SNX29: variants seen among roughly 807,000 people sequenced by gnomAD.
The protein encoded by SNX29 is sorting nexin-29.
SNX29 carries 78 observed loss-of-function variants against 102.1 expected under a neutral mutation model. The observed-to-expected ratio is 0.76, with a 90% confidence interval of 0.64 to 0.92. The LOEUF is 0.92. Among genes scored for constraint, SNX29 ranks in the 40% least tolerant of loss-of-function variants. SNX29 has a pLI of 0.00. For synonymous variants in SNX29, 580 were observed against 414.5 expected (o/e 1.40, Z -4.85); for missense variants, 1,280 against 1,061.7 (o/e 1.21, Z -2.86).
At chr16:12,567,453 A>T (rs780821813) in intron 20 of SNX29, among the ~76,000 whole-genome samples, 10 of 152,178 alleles carry the variant, frequency 6.6e-5, no homozygotes, top group Non-Finnish European at 1.2e-4. Flanking sequence ...CCCAGAATTT[A>T]TGTGTCCCCT....
chr16:12,359,733 A>G (rs2082247883), intron 16 of SNX29, among the ~76,000 whole-genome samples: 1 of 152,258 alleles, frequency 6.6e-6, no homozygotes, highest in Admixed American at 6.5e-5. Flanking sequence ...ATTTGGATGT[A>G]TATCCAATCC....
intron 20 of SNX29, among the ~76,000 whole-genome samples, chr16:12,543,858 A>T (rs1452482820): frequency 6.6e-6 from 1 of 152,344 alleles, no homozygotes; most frequent in East Asian, 1.9e-4. Flanking sequence ...CCAGTGGTGG[A>T]ACATCCTCTT....
At chr16:12,204,177 T>G (rs1369018304) in intron 14 of SNX29, among the ~76,000 whole-genome samples, 1 of 152,192 alleles carries the variant, frequency 6.6e-6, no homozygotes, top group African/African-American at 2.4e-5. Context: ...CGAACTCTGA[T>G]CCTGTCTTTA....
At chr16:12,337,831 A>C (rs1368703145) in intron 15 of SNX29, among the ~76,000 whole-genome samples, 2 of 152,158 alleles carry the variant, frequency 1.3e-5, no homozygotes, top group African/African-American at 4.8e-5. Flanking sequence ...CATCATCTCA[A>C]GTCTGGGACA....
chr16:12,544,388 G>A (rs1356323295), intron 20 of SNX29, among the ~76,000 whole-genome samples: 1 of 152,204 alleles, frequency 6.6e-6, no homozygotes, highest in East Asian at 1.9e-4. Context: ...AAGGCGTTGT[G>A]AGGTGGTTCT....
Position 12,572,383 on chromosome 16 carries a change from T to C in SNX29, c.*3754T>C. 1 of 1,062,968 alleles carries C rather than the reference T, an allele frequency of 9.4e-7. No individual in the cohort carries two copies. Among genetic ancestry groups the C allele is most frequent in the Non-Finnish European group, 1.1e-6 (1 of 877,778 alleles). 65.8% of individuals were successfully genotyped at this position (1,062,968 alleles called of 1,614,324 possible). A position where few individuals can be genotyped will look rare whatever the true frequency, so the allele number is the denominator to read the frequency against. The stretch of plus-strand genomic sequence containing the variant: ...GGCTCTGCCTTCTGGAGGCGGCTTA[T>C]ATCCCAACAGCCTGAGGCAGGGCTC... On this transcript the variant is annotated 3_prime_UTR_variant, in exon 21 of 21. Transcript: ENST00000566228.
At chr16:12,527,849 A>T in intron 20 of SNX29, among the ~76,000 whole-genome samples, 3 of 142,190 alleles carry the variant, frequency 2.1e-5, no homozygotes, top group African/African-American at 5.3e-5. Flanking sequence ...TTTTGAGATG[A>T]AGTCTCGCTC....
intron 14 of SNX29, among the ~76,000 whole-genome samples, chr16:12,251,412 G>T (rs2078418321): frequency 6.6e-6 from 1 of 152,188 alleles, no homozygotes; most frequent in South Asian, 2.1e-4. Context: ...AGCAATATAA[G>T]AATTCATAGG....
chr16:12,350,189 C>T (rs1950956433), intron 15 of SNX29, among the ~76,000 whole-genome samples: 1 of 152,110 alleles, frequency 6.6e-6, no homozygotes, highest in Non-Finnish European at 1.5e-5. Flanking sequence ...TACAGTTGGC[C>T]CTCTGTATCT....
chr16:12,428,925 T>TA (rs1186580847), intron 18 of SNX29, among the ~76,000 whole-genome samples: 1 of 152,160 alleles, frequency 6.6e-6, no homozygotes, highest in Non-Finnish European at 1.5e-5. Flanking sequence ...AACACACAGA[T>TA]ACGATTGCAA....
intron 20 of SNX29, among the ~76,000 whole-genome samples, chr16:12,544,185 A>C (rs532496397): frequency 6.6e-6 from 1 of 152,346 alleles, no homozygotes; most frequent in East Asian, 1.9e-4. Context: ...GGTGGTGTGC[A>C]CATCAGCCAA....
At chr16:12,536,110 G>C (rs2077070907) in intron 20 of SNX29, among the ~76,000 whole-genome samples, 1 of 152,168 alleles carries the variant, frequency 6.6e-6, no homozygotes, top group Non-Finnish European at 1.5e-5. Context: ...AGAGAGAAGG[G>C]TGAACACAGC....
chr16:12,125,996 T>C (rs2054199976), intron 11 of SNX29, among the ~76,000 whole-genome samples: 1 of 152,154 alleles, frequency 6.6e-6, no homozygotes, highest in African/African-American at 2.4e-5. Context: ...ATATTGCCGG[T>C]GGTGATCTTG....
chr16:12,519,297 G>C (rs2090001412), intron 19 of SNX29, among the ~76,000 whole-genome samples: 1 of 152,206 alleles, frequency 6.6e-6, no homozygotes, highest in Non-Finnish European at 1.5e-5. Flanking sequence ...TCAGAACCCA[G>C]GTGATCGCAG....
chr16:12,385,302 G>A (rs1281787436), intron 16 of SNX29, among the ~76,000 whole-genome samples: 1 of 152,240 alleles, frequency 6.6e-6, no homozygotes, highest in Non-Finnish European at 1.5e-5. Context: ...CACGTCTGGG[G>A]ACTTGTGGAA....
At chr16:12,441,619 T>C (rs1479656426) in intron 18 of SNX29, among the ~76,000 whole-genome samples, 10 of 152,206 alleles carry the variant, frequency 6.6e-5, no homozygotes, top group African/African-American at 2.4e-4. Context: ...CAAAAGTTTT[T>C]AATGTCGGTA....
At chr16:12,274,638 G>A (rs1311776226) in intron 14 of SNX29, among the ~76,000 whole-genome samples, 1 of 151,770 alleles carries the variant, frequency 6.6e-6, no homozygotes. Context: ...CGAGGCTCAA[G>A]CGATCCTTCC....
intron 11 of SNX29, among the ~76,000 whole-genome samples, chr16:12,083,961 C>A (rs1282882976): frequency 6.6e-6 from 1 of 152,186 alleles, no homozygotes; most frequent in Non-Finnish European, 1.5e-5. Context: ...TATCGAGCAA[C>A]CTTTCCCTCT....
At chr16:12,499,966 G>A (rs919726635) in intron 19 of SNX29, among the ~76,000 whole-genome samples, 1 of 151,380 alleles carries the variant, frequency 6.6e-6, no homozygotes, top group African/African-American at 2.4e-5. Flanking sequence ...TATGAGCCAT[G>A]GTGCCCAGCC....
Sources: allele counts gnomAD v4.1 joint callset (sites outside exome capture counted in the v4.1 genomes callset), GRCh38; gene constraint gnomAD v4.1.1; transcripts MANE v1.5; gene names NCBI Gene and HGNC (gene_info 2026-07-23, HGNC 2026-07-21).